Variants in KLRD1 observed in about 807,000 individuals in gnomAD.
KLRD1 encodes the protein killer cell lectin like receptor D1, also known as natural killer cells antigen CD94.
KLRD1 carries 21 observed loss-of-function variants against 22.6 expected under a neutral mutation model. That is an observed-to-expected ratio of 0.93 (90% CI 0.66 to 1.34). The LOEUF (loss-of-function observed/expected upper bound fraction) is 1.34. Among genes scored for constraint, KLRD1 ranks in the 40% most tolerant of loss-of-function variants. The probability of loss-of-function intolerance (pLI) is 0.00; values close to 1 mark genes in which losing one functional copy is unlikely to be tolerated. For synonymous variants in KLRD1, 59 were observed against 71.1 expected (o/e 0.83, Z 0.85); for missense variants, 183 against 208.6 (o/e 0.88, Z 0.76).
chr12:10,278,194 C>T (rs536713459), intron 1 of KLRD1, among the ~76,000 whole-genome samples: 2 of 152,288 alleles, frequency 1.3e-5, no homozygotes, highest in Admixed American at 1.3e-4. Flanking sequence ...ATTTGACCCT[C>T]TCTTGTAGCT....
chr12:10,251,793 A>G (rs1434525192), intron 1 of KLRD1, among the ~76,000 whole-genome samples: 1 of 152,046 alleles, frequency 6.6e-6, no homozygotes, highest in Non-Finnish European at 1.5e-5. Context: ...GCAGTTCACA[A>G]CAGGGTTTGT....
intron 1 of KLRD1, among the ~76,000 whole-genome samples, chr12:10,265,429 CACA>C (rs921442438): frequency 6.6e-6 from 1 of 152,148 alleles, no homozygotes; most frequent in African/African-American, 2.4e-5. Context: ...GCTGAAACAG[CACA>C]ACATCATTAC....
chr12:10,287,371 C>T (rs139811675), intron 1 of KLRD1, among the ~76,000 whole-genome samples: 47 of 152,016 alleles, frequency 3.1e-4, no homozygotes, highest in African/African-American at 1.0e-3. Context: ...CAAATAACTC[C>T]GAATTTTTTT....
rs1949316167 is a variant in KLRD1, at chr12:10,248,589, T to TCCTTCC, written c.-101+22357_-101+22358insCTTCCC. Among the ~76,000 whole-genome samples, 6 of 87,212 alleles carry TCCTTCC rather than the reference T, an allele frequency of 6.9e-5. No individual in the cohort carries two copies. In the South Asian group the frequency reaches 2.8e-3, roughly 41 times the overall value. 57.2% of individuals were successfully genotyped at this position (87,212 alleles called of 152,430 possible). ...TCCTTCCTTCCTTCCTTCCTTCCCT[T>TCCTTCC]CTTTTCTTCTTTTCTTTCTTTTTTT... On this transcript the variant is annotated intron_variant, in intron 1 of 5. Coordinates refer to the KLRD1 transcript ENST00000544747.
chr12:10,252,499 G>A (rs564288825), intron 1 of KLRD1, among the ~76,000 whole-genome samples: 20 of 152,076 alleles, frequency 1.3e-4, no homozygotes, highest in African/African-American at 4.6e-4. Flanking sequence ...ATGAGAACTT[G>A]TCTCCAAAAA....
intron 1 of KLRD1, among the ~76,000 whole-genome samples, chr12:10,272,752 T>C (rs956056432): frequency 1.3e-5 from 2 of 152,222 alleles, no homozygotes; most frequent in Non-Finnish European, 2.9e-5. Flanking sequence ...TGTTTTTGAC[T>C]TAAGAAAATT....
At chr12:10,271,168 T>C (rs1949546700) in intron 1 of KLRD1, among the ~76,000 whole-genome samples, 1 of 152,102 alleles carries the variant, frequency 6.6e-6, no homozygotes, top group Non-Finnish European at 1.5e-5. Context: ...CTCCAACTTT[T>C]GCTGTTGGCC....
chr12:10,311,601 AAC>A lies in KLRD1; in HGVS notation c.305_306del (p.Thr102ArgfsTer2), dbSNP rs1950072512. 1.2e-6 allele frequency: 2 copies of A among 1,614,108 alleles called. No individual in the cohort carries two copies. The highest frequency in any genetic ancestry group is 2.7e-5 in the African/African-American group (2 of 75,064). On this transcript the variant is annotated frameshift_variant, in exon 4 of 6. Transcript: ENST00000336164. LOFTEE classifies it high-confidence loss of function. ...GAAATCCAGCCTGCTTCAGCTTCAA[AAC>A]ACAGATGAACTGGCATGTGCTGAGT... ...SQKSSLLQLQ[N>X]TDELDFMSSS...
At chr12:10,295,149 A>G (rs747934639) in intron 1 of KLRD1, among the ~76,000 whole-genome samples, 3 of 152,118 alleles carry the variant, frequency 2.0e-5, no homozygotes, top group Non-Finnish European at 2.9e-5. Context: ...AAGAAGAGAG[A>G]ATATGTTGAA....
chr12:10,328,738 C>T lies in KLRD1; in HGVS notation c.*13945C>T, dbSNP rs1950383132. On this transcript the variant is annotated 3_prime_UTR_variant, in exon 6 of 6. Transcript: ENST00000336164. ...TAGTTGCTTGGGATATGTATTAGTCCATTTTCACACTGTTGATAAAGACTT... is the reference window on the plus strand; with the variant it reads ...TAGTTGCTTGGGATATGTATTAGTCTATTTTCACACTGTTGATAAAGACTT... The T allele has an allele frequency of 6.6e-6, 1 of 151,820 alleles. No individual in the cohort carries two copies. The highest frequency in any genetic ancestry group is 2.1e-4 in the South Asian group (1 of 4,822). The allele number at this position is 151,820 out of a possible 1,614,324, so 9.4% of individuals were successfully genotyped here. A position where few individuals can be genotyped will look rare whatever the true frequency, so the allele number is the denominator to read the frequency against.
intron 1 of KLRD1, among the ~76,000 whole-genome samples, chr12:10,291,688 A>G (rs866548169): frequency 1.3e-5 from 2 of 151,116 alleles, no homozygotes; most frequent in Non-Finnish European, 2.9e-5. Context: ...GGTTTGTTAC[A>G]TAGGTATACA....
chr12:10,262,168 T>A (rs1438753855), intron 1 of KLRD1, among the ~76,000 whole-genome samples: 1 of 152,144 alleles, frequency 6.6e-6, no homozygotes, highest in African/African-American at 2.4e-5. Context: ...TTGATAATTA[T>A]CTGATGTGTA....
At chr12:10,275,542 TC>T (rs565168671) in intron 1 of KLRD1, among the ~76,000 whole-genome samples, 94 of 152,302 alleles carry the variant, frequency 6.2e-4, no homozygotes, top group African/African-American at 2.2e-3. Flanking sequence ...CTTTCAACCA[TC>T]GGGGGAAGCT....
At chr12:10,250,324 G>A (rs1000465917) in intron 1 of KLRD1, among the ~76,000 whole-genome samples, 2 of 151,334 alleles carry the variant, frequency 1.3e-5, no homozygotes, top group Non-Finnish European at 2.9e-5. Context: ...CATACCCAAA[G>A]GCGCCAGAGC....
At chr12:10,296,657 T>C (rs1435274900) in intron 1 of KLRD1, among the ~76,000 whole-genome samples, 1 of 152,182 alleles carries the variant, frequency 6.6e-6, no homozygotes, top group Admixed American at 6.5e-5. Context: ...TAATTTATAC[T>C]CCATGAGTAA....
At chr12:10,305,868 TAGAA>T (rs745983745), upstream of KLRD1, among the ~76,000 whole-genome samples, 31 of 151,756 alleles carry the variant, frequency 2.0e-4, no homozygotes, top group East Asian at 7.8e-4. Context: ...CAAAAATAAA[TAGAA>T]AGAACAGAGG....
Position 10,318,045 on chromosome 12 carries a change from AG to A in KLRD1, c.*3256del, listed in dbSNP as rs1180688635. Reference sequence around the variant, plus strand: ...TTCCCTCACATGATACGTGAGGATTAGGGGCACTACAATTCAAGATGAGATT... The same window carrying A: ...TTCCCTCACATGATACGTGAGGATTAGGGCACTACAATTCAAGATGAGATT... On this transcript the variant is annotated 3_prime_UTR_variant, in exon 6 of 6. Coordinates refer to ENST00000336164, the MANE Select transcript of KLRD1 (RefSeq NM_002262.5). 6.6e-6 allele frequency: 1 copy of A among 152,204 alleles called. No homozygotes were observed. The highest frequency in any genetic ancestry group is 1.5e-5 in the Non-Finnish European group (1 of 68,032). The allele number at this position is 152,204 out of a possible 1,614,324, so 9.4% of individuals were successfully genotyped here.
chr12:10,309,301 G>A, intron 1 of KLRD1, 87 bp from the exon 2 acceptor site: 1 of 713,288 alleles, frequency 1.4e-6, no homozygotes, highest in Non-Finnish European at 2.5e-6. Flanking sequence ...AGAATGTTGT[G>A]GATTCTCCGT....
intron 1 of KLRD1, among the ~76,000 whole-genome samples, chr12:10,246,274 T>C (rs1198133040): frequency 3.3e-5 from 5 of 152,166 alleles, no homozygotes; most frequent in African/African-American, 4.8e-5. Context: ...TTTCATCCCA[T>C]ATACACACAT....
Sources: allele counts gnomAD v4.1 joint callset (sites outside exome capture counted in the v4.1 genomes callset), GRCh38; gene constraint gnomAD v4.1.1; transcripts MANE v1.5; gene names NCBI Gene and HGNC (gene_info 2026-07-23, HGNC 2026-07-21).